The following FAM13C variants were observed in gnomAD, a reference collection of about 807,000 sequenced individuals.
FAM13C encodes the protein protein FAM13C.
In FAM13C, 37 loss-of-function variants were observed where a neutral mutation model predicts 73.2. The ratio of observed to expected loss-of-function variants is 0.51; its 90% confidence interval spans 0.39 to 0.67. FAM13C has a LOEUF of 0.67. FAM13C is among the 30% of genes least tolerant of loss of function. The pLI is 0.00. For synonymous variants in FAM13C, 246 were observed against 260.9 expected (o/e 0.94, Z 0.55); for missense variants, 589 against 715.6 (o/e 0.82, Z 2.02).
chr10:59,310,378 T>G (rs1269639412), intron 4 of FAM13C, among the ~76,000 whole-genome samples: 1 of 152,330 alleles, frequency 6.6e-6, no homozygotes, highest in African/African-American at 2.4e-5. Flanking sequence ...TAGCTCTATA[T>G]GCAGACACAG....
chr10:59,352,572 A>G, intron 2 of FAM13C, 98 bp from the exon 3 acceptor site: 6 of 1,332,898 alleles, frequency 4.5e-6, no homozygotes, highest in Admixed American at 2.8e-5. Context: ...TGCTATATTT[A>G]TAGGATAGAC....
At chr10:59,292,209 G>A (rs184650919) in intron 5 of FAM13C, among the ~76,000 whole-genome samples, 21 of 152,290 alleles carry the variant, frequency 1.4e-4, no homozygotes, top group Admixed American at 3.9e-4. Context: ...TCTCAATGGA[G>A]TTACTAGTAC....
At chr10:59,339,229 T>C (rs181395653) in intron 3 of FAM13C, among the ~76,000 whole-genome samples, 2 of 152,230 alleles carry the variant, frequency 1.3e-5, no homozygotes, top group Admixed American at 6.5e-5. Flanking sequence ...GTTAATTATA[T>C]CTGCAAAGAC....
At chr10:59,336,125 G>A (rs1852689809) in intron 3 of FAM13C, among the ~76,000 whole-genome samples, 1 of 152,148 alleles carries the variant, frequency 6.6e-6, no homozygotes, top group Admixed American at 6.5e-5. Flanking sequence ...TGGAAAACCA[G>A]ACAAGGGACT....
intron 4 of FAM13C, among the ~76,000 whole-genome samples, chr10:59,311,608 C>A (rs1848926652): frequency 6.6e-6 from 1 of 152,220 alleles, no homozygotes; most frequent in Non-Finnish European, 1.5e-5. Flanking sequence ...CTGCCCACCT[C>A]AAGCCTCTGC....
chr10:59,298,531 A>G (rs1055594521), intron 5 of FAM13C, among the ~76,000 whole-genome samples: 10 of 152,196 alleles, frequency 6.6e-5, no homozygotes, highest in Admixed American at 6.5e-4. Context: ...AGTATAATAA[A>G]GAAGAAAAGA....
chr10:59,342,939 G>A (rs1373902768), intron 3 of FAM13C, among the ~76,000 whole-genome samples: 1 of 152,158 alleles, frequency 6.6e-6, no homozygotes, highest in African/African-American at 2.4e-5. Context: ...AGAACACAAG[G>A]ATGTGCATTT....
intron 1 of FAM13C, 66 bp downstream of exon 1, chr10:59,362,333 A>G: frequency 6.3e-7 from 1 of 1,578,970 alleles, no homozygotes; most frequent in Non-Finnish European, 8.6e-7. Context: ...GGTGGAGGAT[A>G]CCTTCACGAT....
At chr10:59,320,627 C>G (rs1360683141) in intron 4 of FAM13C, among the ~76,000 whole-genome samples, 1 of 152,330 alleles carries the variant, frequency 6.6e-6, no homozygotes, top group South Asian at 2.1e-4. Context: ...GACTCCAGCA[C>G]AGCCACATGG....
At chr10:59,288,721 C>T (rs1304311062) in intron 5 of FAM13C, among the ~76,000 whole-genome samples, 2 of 152,102 alleles carry the variant, frequency 1.3e-5, no homozygotes, top group Non-Finnish European at 2.9e-5. Flanking sequence ...AGAAGATCCC[C>T]AAGTAGAAGG....
At chr10:59,324,256 T>A in intron 3 of FAM13C, 150 bp from the exon 4 acceptor site, 1 of 601,114 alleles carries the variant, frequency 1.7e-6, no homozygotes, top group Non-Finnish European at 2.9e-6. Context: ...AATTCACTGG[T>A]CCAAAATTTT....
chr10:59,348,698 G>A (rs2134234997), intron 3 of FAM13C, among the ~76,000 whole-genome samples: 1 of 152,246 alleles, frequency 6.6e-6, no homozygotes, highest in East Asian at 1.9e-4. Flanking sequence ...AAGTGCAGTG[G>A]CATGATCTTG....
chr10:59,302,863 T>G lies in FAM13C; in HGVS notation c.445A>C (p.Ile149Leu). The G allele has an allele frequency of 6.2e-7, 1 of 1,612,968 alleles. No homozygotes were observed. The highest frequency in any genetic ancestry group is 8.5e-7 in the Non-Finnish European group (1 of 1,179,662). The change falls in exon 5 of 14, where the codon ATA becomes CTA. Residue 149 changes from isoleucine (I) to leucine (L), a missense_variant and splice_region_variant. By Grantham distance (5) the Ile-to-Leu change is conservative. Transcript: ENST00000618804. ...CQETVRLQPRIDQRTAISPKD... is the reference protein window; with the variant it reads ...CQETVRLQPRLDQRTAISPKD... ...GGCGAAATGGCAGTCCTCTGGTCTA[T>G]TCTATAAAATACAAAGAAAAATTAT...
intron 4 of FAM13C, among the ~76,000 whole-genome samples, chr10:59,319,671 C>G (rs779341646): frequency 2.8e-4 from 43 of 152,198 alleles, no homozygotes; most frequent in Admixed American, 5.2e-4. Flanking sequence ...TGGTACTAAT[C>G]TTGGTTCTAT....
upstream of FAM13C, chr10:59,362,679 G>T: frequency 9.3e-6 from 10 of 1,079,254 alleles, no homozygotes; most frequent in South Asian, 1.8e-4. Context: ...CGGGGACAGA[G>T]CTGGGCGGGG....
rs1564630380 is a variant in FAM13C at position 59,355,938 on chromosome 10, T to A, written c.68A>T (p.Asp23Val). 1 of 1,613,986 alleles carries A rather than the reference T, an allele frequency of 6.2e-7. No individual in the cohort carries two copies. Among genetic ancestry groups the A allele is most frequent in the East Asian group, 2.2e-5 (1 of 44,862 alleles). Residue 23 changes from aspartate (D) to valine (V), a missense_variant, in exon 2 of 14, where the codon GAC becomes GTC. Coordinates refer to ENST00000618804, the MANE Select transcript of FAM13C (RefSeq NM_198215.4). ...TTCATGTAGAGAGACTGGATCTTCGTCACACCTGGAAGAGTGGGAAGAAAA... is the reference window on the plus strand; with the variant it reads ...TTCATGTAGAGAGACTGGATCTTCGACACACCTGGAAGAGTGGGAAGAAAA... ...SFSSTTVTEC[D>V]EDPVSLHEDQ...
intron 12 of FAM13C, among the ~76,000 whole-genome samples, chr10:59,252,533 T>C (rs1841495858): frequency 6.6e-6 from 1 of 152,004 alleles, no homozygotes; most frequent in East Asian, 1.9e-4. Context: ...ATAATAATAA[T>C]GATAATGATA....
At chr10:59,351,364 A>T (rs953170117) in intron 3 of FAM13C, among the ~76,000 whole-genome samples, 2 of 150,470 alleles carry the variant, frequency 1.3e-5, no homozygotes, top group African/African-American at 4.9e-5. Context: ...AATCATATGT[A>T]TCAGGGATTT....
intron 2 of FAM13C, among the ~76,000 whole-genome samples, chr10:59,354,108 G>C (rs1055802535): frequency 6.6e-6 from 1 of 152,138 alleles, no homozygotes; most frequent in East Asian, 1.9e-4. Flanking sequence ...TAGGATTATA[G>C]AACACTCAAG....
Sources: gnomAD v4.1 joint callset for allele counts (sites outside exome capture counted in the v4.1 genomes callset) on GRCh38, gnomAD v4.1.1 for gene constraint, MANE v1.5 for transcripts, NCBI Gene and HGNC (gene_info 2026-07-23, HGNC 2026-07-21) for gene names.